The following PCDH15 variants were observed in gnomAD, a reference collection of about 807,000 sequenced individuals.
The protein encoded by PCDH15 is protocadherin-15.
PCDH15 carries 129 observed loss-of-function variants against 178.5 expected under a neutral mutation model. The observed-to-expected ratio is 0.72, with a 90% confidence interval of 0.63 to 0.84. The LOEUF (loss-of-function observed/expected upper bound fraction) is 0.84. Ranked by LOEUF, PCDH15 falls within the 40% of genes least tolerant of loss-of-function variation. The pLI is 0.00. For missense variants in PCDH15, 2,230 were observed against 2,099.9 expected (o/e 1.06, Z -1.21); for synonymous variants, 800 against 732.0 (o/e 1.09, Z -1.50).
intron 23 of PCDH15, among the ~76,000 whole-genome samples, chr10:53,954,881 C>T (rs182117059): frequency 1.6e-4 from 24 of 152,296 alleles, no homozygotes; most frequent in African/African-American, 4.8e-4. Context: ...CTATCATTAG[C>T]TCATGTACCC....
chr10:55,609,004 TTATATA>T (rs35075380), intron 2 of PCDH15, among the ~76,000 whole-genome samples: 3 of 147,988 alleles, frequency 2.0e-5, no homozygotes, highest in Non-Finnish European at 3.0e-5. Context: ...TACATATATG[TTATATA>T]TATATACACA....
intron 2 of PCDH15, among the ~76,000 whole-genome samples, chr10:55,488,185 ATTTTC>A (rs1840338992): frequency 6.6e-6 from 1 of 151,568 alleles, no homozygotes; most frequent in Non-Finnish European, 1.5e-5. Context: ...TTAAGTGTAT[ATTTTC>A]TTTAAAGTCC....
rs12246234 is a variant in PCDH15, at chr10:53,827,440, C to T, written c.4320G>A (p.Pro1440=). 5.7e-5 allele frequency: 91 copies of T among 1,589,206 alleles called. No individual in the cohort carries two copies. In the African/African-American group the frequency reaches 1.1e-3, roughly 19 times the overall value. Residue 1440 remains proline, a synonymous_variant, in exon 32 of 38, where the codon CCG becomes CCA. Transcript: ENST00000644397. ...APVAAPPPPP[P]PPPGAHLYEE... ...CATAGAGATGCGCACCTGGCGGAGGCGGCGGCGGCGGCGGGGGCGCTGCCA... is the reference window on the plus strand; with the variant it reads ...CATAGAGATGCGCACCTGGCGGAGGTGGCGGCGGCGGCGGGGGCGCTGCCA...
intron 28 of PCDH15, among the ~76,000 whole-genome samples, chr10:53,848,804 T>C (rs1353778069): frequency 6.6e-6 from 1 of 152,096 alleles, no homozygotes. Flanking sequence ...ATTTTATTTC[T>C]TTAATGTATC....
chr10:55,534,898 AT>A (rs1273206190), intron 2 of PCDH15, among the ~76,000 whole-genome samples: 2 of 152,080 alleles, frequency 1.3e-5, no homozygotes, highest in Non-Finnish European at 2.9e-5. Context: ...AAATAATAAA[AT>A]CATGTCCTTC....
chr10:54,625,712 C>T (rs1423001257), intron 2 of PCDH15, among the ~76,000 whole-genome samples: 1 of 152,114 alleles, frequency 6.6e-6, no homozygotes, highest in East Asian at 1.9e-4. Context: ...TCAGGTATGT[C>T]TTTATCAGCA....
At chr10:54,879,108 T>C (rs1564596609) in intron 3 of PCDH15, among the ~76,000 whole-genome samples, 1 of 152,114 alleles carries the variant, frequency 6.6e-6, no homozygotes, top group East Asian at 1.9e-4. Flanking sequence ...TTGAAAACTT[T>C]AGATTCAAAT....
intron 2 of PCDH15, among the ~76,000 whole-genome samples, chr10:55,151,960 T>A (rs1373840287): frequency 6.6e-6 from 1 of 151,980 alleles, no homozygotes; most frequent in East Asian, 1.9e-4. Context: ...GAAGAAGTAA[T>A]GACTGAGTTG....
Position 55,257,149 on chromosome 10 carries a change from C to A in PCDH15, c.-156+62450G>T, listed in dbSNP as rs536313885. 7.7e-4 allele frequency among the ~76,000 whole-genome samples: 117 copies of A among 152,330 alleles called. 2 individuals carry two copies. In the South Asian group the frequency reaches 0.023, roughly 30 times the overall value. On this transcript the variant is annotated intron_variant, in intron 1 of 5. Transcript: ENST00000458638. The stretch of plus-strand genomic sequence containing the variant: ...TGGACCTCCAGCAAACTCCAACAGA[C>A]TTGCAGCTGAGGGTCCTGACTGTTA...
intron 25 of PCDH15, among the ~76,000 whole-genome samples, chr10:53,920,712 T>C (rs1445112593): frequency 6.6e-6 from 1 of 152,194 alleles, no homozygotes; most frequent in Non-Finnish European, 1.5e-5. Context: ...AGATACTATG[T>C]GCAAATCTTC....
chr10:55,250,534 CTTTT>C (rs777000807), intron 1 of PCDH15, among the ~76,000 whole-genome samples: 1 of 107,988 alleles, frequency 9.3e-6, no homozygotes, highest in Non-Finnish European at 1.8e-5. Context: ...TAAATAAATT[CTTTT>C]TTTTTTTTTT....
intron 2 of PCDH15, among the ~76,000 whole-genome samples, chr10:55,422,683 G>T (rs1449263594): frequency 6.6e-6 from 1 of 151,748 alleles, no homozygotes; most frequent in Non-Finnish European, 1.5e-5. Context: ...GTTTTGTTAG[G>T]AACAAGAAGG....
At chr10:55,052,902 A>T (rs967313632) in intron 2 of PCDH15, among the ~76,000 whole-genome samples, 2 of 152,142 alleles carry the variant, frequency 1.3e-5, no homozygotes, top group African/African-American at 4.8e-5. Flanking sequence ...CATCACAGTA[A>T]ACTCAGGCTG....
At chr10:54,224,640 T>A (rs1022473130) in intron 9 of PCDH15, among the ~76,000 whole-genome samples, 1 of 152,134 alleles carries the variant, frequency 6.6e-6, no homozygotes, top group Non-Finnish European at 1.5e-5. Context: ...GTTGATAATT[T>A]TAACCATTAT....
chr10:55,480,044 T>C (rs1177953282), intron 2 of PCDH15, among the ~76,000 whole-genome samples: 5 of 151,708 alleles, frequency 3.3e-5, no homozygotes, highest in East Asian at 1.9e-4. Context: ...AGAATGTCAA[T>C]GGTAGTTTAA....
chr10:54,088,636 G>T (rs1384266174), intron 16 of PCDH15, among the ~76,000 whole-genome samples: 1 of 152,042 alleles, frequency 6.6e-6, no homozygotes, highest in Non-Finnish European at 1.5e-5. Context: ...AAATAATGAA[G>T]ATTTACTTCT....
Position 54,378,887 on chromosome 10 carries a change from G to A in PCDH15, c.213C>T (p.Pro71=), listed in dbSNP as rs747462579. Residue 71 remains proline (P), a synonymous_variant, in exon 4 of 38, where the codon CCC becomes CCT. Transcript: ENST00000644397. ...TATCCTTTAAAGAAAGTTCTATGGTGGGGTCTGGTCCTCCAGCAGTCCCTT... is the reference window on the plus strand; with the variant it reads ...TATCCTTTAAAGAAAGTTCTATGGTAGGGTCTGGTCCTCCAGCAGTCCCTT... ...LIKGTAGGPD[P]TIELSLKDNV... is the part of the protein sequence containing the mutation. The A allele has an allele frequency of 1.9e-6, 3 of 1,613,670 alleles. No individual in the cohort carries two copies. The South Asian group carries it at 3.3e-5, about 18-fold the overall frequency.
intron 1 of PCDH15, among the ~76,000 whole-genome samples, chr10:55,264,770 T>G (rs1842236060): frequency 6.6e-6 from 1 of 152,136 alleles, no homozygotes; most frequent in African/African-American, 2.4e-5. Context: ...TGGCCAATTA[T>G]GATTTACAGC....
At chr10:55,530,796 G>T (rs1383040671) in intron 2 of PCDH15, among the ~76,000 whole-genome samples, 2 of 151,780 alleles carry the variant, frequency 1.3e-5, no homozygotes, top group Admixed American at 6.6e-5. Context: ...TAAATTCTAT[G>T]CATAGTAGAG....
Sources: allele counts gnomAD v4.1 joint callset (sites outside exome capture counted in the v4.1 genomes callset), GRCh38; gene constraint gnomAD v4.1.1; transcripts MANE v1.5; gene names NCBI Gene and HGNC (gene_info 2026-07-23, HGNC 2026-07-21).